ZBTB16: variants seen among roughly 807,000 people sequenced by gnomAD.
ZBTB16 encodes the protein zinc finger and BTB domain-containing protein 16.
Under a neutral mutation model 56.8 loss-of-function variants are expected in ZBTB16, and 8 were observed. The ratio of observed to expected loss-of-function variants is 0.14; its 90% CI spans 0.08 to 0.25. ZBTB16 has a LOEUF of 0.25. ZBTB16 is among the 10% of genes least tolerant of loss of function. ZBTB16 has a pLI of 1.00. For synonymous variants in ZBTB16, 363 were observed against 368.5 expected (o/e 0.98, Z 0.17); for missense variants, 625 against 903.0 (o/e 0.69, Z 3.95).
At chr11:114,231,279 T>A (rs1944437915) in intron 4 of ZBTB16, among the ~76,000 whole-genome samples, 1 of 152,172 alleles carries the variant, frequency 6.6e-6, no homozygotes, top group African/African-American at 2.4e-5. Context: ...GCTCTTGTAA[T>A]GAAACTGCTA....
chr11:114,103,521 A>G (rs1306940785), intron 2 of ZBTB16, among the ~76,000 whole-genome samples: 1 of 151,872 alleles, frequency 6.6e-6, no homozygotes, highest in Non-Finnish European at 1.5e-5. Context: ...TGGTAACCAC[A>G]TGTAACAGCC....
intron 3 of ZBTB16, among the ~76,000 whole-genome samples, chr11:114,157,897 C>G (rs1428002275): frequency 6.6e-6 from 1 of 152,162 alleles, no homozygotes; most frequent in Admixed American, 6.5e-5. Context: ...CCACCCTGCC[C>G]CTGGCTCCAC....
chr11:114,247,258 A>G lies in ZBTB16; in HGVS notation c.1685A>G (p.Lys562Arg), dbSNP rs755342073. The stretch of plus-strand genomic sequence containing the variant: ...TGCTTCCGGGATGAGAGCACACTCA[A>G]GAGCCACAAACGCATCCACACGGGT... ...GSCFRDESTLKSHKRIHTGEK... is the reference protein window; with the variant it reads ...GSCFRDESTLRSHKRIHTGEK... Residue 562 changes from lysine to arginine, a missense_variant, in exon 6 of 7, where the codon AAG (lysine) becomes AGG (arginine). Lys to Arg is a conservative substitution (Grantham distance 26). Around this residue, in one of 6 missense-constraint regions of ZBTB16, gnomAD observed 140 missense variants for 214.8 expected, o/e 0.65. Coordinates refer to ENST00000335953, the MANE Select transcript of ZBTB16 (RefSeq NM_006006.6). The G allele has an allele frequency of 3.1e-6, 5 of 1,614,160 alleles. No homozygotes were observed. The South Asian group carries it at 4.4e-5, about 14-fold the overall frequency.
rs1366072407 is a variant in ZBTB16, at chr11:114,162,928, A to G, written c.1366+6494A>G. On this transcript the variant is annotated intron_variant, in intron 3 of 6. Coordinates refer to ENST00000335953, the MANE Select transcript of ZBTB16 (RefSeq NM_006006.6). ...TGGCTTGCTTCCCGAACTTTTTCCC[A>G]GAGTGGTGTCGTCACTGGCCTGCCG... Among the ~76,000 whole-genome samples, 7 of 152,010 alleles carry G rather than the reference A, an allele frequency of 4.6e-5. No individual in the cohort carries two copies. The East Asian group carries it at 9.7e-4, about 21-fold the overall frequency.
chr11:114,090,552 A>G (rs951645091), intron 2 of ZBTB16, among the ~76,000 whole-genome samples: 43 of 152,170 alleles, frequency 2.8e-4, no homozygotes, highest in African/African-American at 1.0e-3. Flanking sequence ...TGGTGAGAAG[A>G]TGGTTTTGGA....
At chr11:114,203,264 A>G (rs914085430) in intron 4 of ZBTB16, among the ~76,000 whole-genome samples, 2 of 152,218 alleles carry the variant, frequency 1.3e-5, no homozygotes, top group Non-Finnish European at 2.9e-5. Context: ...AGAGCTCTAG[A>G]CAGTTAGTAG....
intron 2 of ZBTB16, among the ~76,000 whole-genome samples, chr11:114,117,931 T>C (rs1408225721): frequency 1.3e-5 from 2 of 152,162 alleles, no homozygotes; most frequent in East Asian, 1.9e-4. Flanking sequence ...CAGAGATAGA[T>C]ATTTTCCTTA....
intron 3 of ZBTB16, among the ~76,000 whole-genome samples, chr11:114,159,953 A>AT (rs926340527): frequency 8.0e-6 from 1 of 125,770 alleles, no homozygotes; most frequent in Non-Finnish European, 1.6e-5. Flanking sequence ...GGAGGCGAGC[A>AT]TTTTTTTTCA....
In ZBTB16 at chr11:114,208,163, T is replaced by G. The variant is rs1050038535; in HGVS notation, c.1453+21125T>G. 2.0e-5 allele frequency among the ~76,000 whole-genome samples: 3 copies of G among 152,330 alleles called. No homozygotes were observed. The South Asian group carries it at 6.2e-4, about 32-fold the overall frequency. On this transcript the variant is annotated intron_variant, in intron 4 of 6. Coordinates refer to ENST00000335953, the MANE Select transcript of ZBTB16 (RefSeq NM_006006.6). ...CACCATAGATGTACACCACTTGCCCTTAGCTATCTTGCCACTGCACGAGTT... is the reference window on the plus strand; with the variant it reads ...CACCATAGATGTACACCACTTGCCCGTAGCTATCTTGCCACTGCACGAGTT...
At chr11:114,097,331 T>A (rs970637347) in intron 2 of ZBTB16, among the ~76,000 whole-genome samples, 1 of 152,050 alleles carries the variant, frequency 6.6e-6, no homozygotes, top group East Asian at 1.9e-4. Flanking sequence ...TAAGGTTGAG[T>A]GGGTACAGAG....
intron 2 of ZBTB16, among the ~76,000 whole-genome samples, chr11:114,148,579 T>C (rs1038044566): frequency 4.6e-5 from 7 of 151,112 alleles, no homozygotes; most frequent in Non-Finnish European, 7.4e-5. Flanking sequence ...CTGCAACCTC[T>C]GCCTCCTGGG....
chr11:114,251,805 C>T lies in ZBTB16; in HGVS notation c.*1250C>T, dbSNP rs1053665284. Among the ~76,000 whole-genome samples, 7 of 152,106 alleles carry T rather than the reference C, an allele frequency of 4.6e-5. No homozygotes were observed. Among genetic ancestry groups the T allele is most frequent in the African/African-American group, 1.2e-4 (5 of 41,416 alleles). ...CTGCAGGAGGAGGAGGATTTGAAAG[C>T]GCTTTGGCCTTGTGTTATGTTTTGC... On this transcript the variant is annotated 3_prime_UTR_variant, in exon 7 of 7. Coordinates refer to ENST00000335953, the MANE Select transcript of ZBTB16 (RefSeq NM_006006.6).
At chr11:114,199,646 C>T (rs1158331162) in intron 4 of ZBTB16, among the ~76,000 whole-genome samples, 2 of 152,200 alleles carry the variant, frequency 1.3e-5, no homozygotes, top group Non-Finnish European at 1.5e-5. Context: ...GGCTTCGTTT[C>T]CTTGCTTCTC....
Position 114,250,941 on chromosome 11 carries a change from C to T in ZBTB16, c.*386C>T, listed in dbSNP as rs979519095. Among the ~76,000 whole-genome samples the T allele has an allele frequency of 6.6e-6, 1 of 152,208 alleles. No homozygotes were observed. The highest frequency in any genetic ancestry group is 2.4e-5 in the African/African-American group (1 of 41,450). On this transcript the variant is annotated 3_prime_UTR_variant, in exon 7 of 7. Coordinates refer to ENST00000335953, the MANE Select transcript of ZBTB16 (RefSeq NM_006006.6). The surrounding 1 kb of genome is among the most constrained non-coding windows in gnomAD (Gnocchi z 6.0). ...TCAGAGCCACACGGTCTGTGCCGGC[C>T]TTCCTCCACCAAGACCCCCAGGAGA...
At chr11:114,137,046 T>A (rs1464847748) in intron 2 of ZBTB16, among the ~76,000 whole-genome samples, 1 of 152,186 alleles carries the variant, frequency 6.6e-6, no homozygotes, top group Non-Finnish European at 1.5e-5. Context: ...ATTCATTTAT[T>A]CCTGTATGCA....
chr11:114,213,495 G>T (rs778959592), intron 4 of ZBTB16, among the ~76,000 whole-genome samples: 1 of 152,170 alleles, frequency 6.6e-6, no homozygotes, highest in Non-Finnish European at 1.5e-5. Flanking sequence ...CTGTGAAAAA[G>T]GTGTGAAGAA....
rs552475174 is a variant in ZBTB16, at chr11:114,188,487, T to C, written c.1453+1449T>C. The C allele has an allele frequency of 2.0e-5, 3 of 152,378 alleles. No individual in the cohort carries two copies. In the South Asian group the frequency reaches 6.2e-4, roughly 32 times the overall value. 9.4% of individuals were successfully genotyped at this position (152,378 alleles called of 1,614,324 possible). ...TTAGAAAAGTGGAGTAATATTAGTG[T>C]CTACCTCATAGCATTAGGGTTGTTG... On this transcript the variant is annotated intron_variant, in intron 4 of 6. Transcript: ENST00000335953.
intron 2 of ZBTB16, among the ~76,000 whole-genome samples, chr11:114,096,370 T>G (rs901637160): frequency 6.6e-6 from 1 of 152,206 alleles, no homozygotes; most frequent in African/African-American, 2.4e-5. Flanking sequence ...CTTAAAGAGA[T>G]ACACACAAAT....
intron 3 of ZBTB16, among the ~76,000 whole-genome samples, chr11:114,184,465 A>C (rs1450312222): frequency 1.3e-5 from 2 of 152,328 alleles, no homozygotes; most frequent in African/African-American, 4.8e-5. Context: ...CAGAGATGGG[A>C]GCTCAGACCC....
Sources: allele counts gnomAD v4.1 joint callset (sites outside exome capture counted in the v4.1 genomes callset), GRCh38; gene constraint gnomAD v4.1.1; regional missense constraint gnomAD v4.1.1; non-coding constraint Gnocchi (gnomAD v3.1); transcripts MANE v1.5; gene names NCBI Gene and HGNC (gene_info 2026-07-23, HGNC 2026-07-21).